The following ZNF713 variants were observed in gnomAD, a reference collection of about 807,000 sequenced individuals.
ZNF713 encodes zinc finger protein 713.
ZNF713 carries 21 observed loss-of-function variants against 28.7 expected under a neutral mutation model. The ratio of observed to expected loss-of-function variants is 0.73; its 90% confidence interval spans 0.52 to 1.05. The LOEUF is 1.05. Among genes scored for constraint, ZNF713 ranks in the 50% least tolerant of loss-of-function variants. The pLI is 0.00. For missense variants in ZNF713, 458 were observed against 532.4 expected, an observed-to-expected ratio of 0.86 and a Z score of 1.37; for synonymous variants, 167 against 178.0, an observed-to-expected ratio of 0.94 and a Z score of 0.49.
Position 55,887,886 on chromosome 7 carries a change from C to G in ZNF713, c.-583+206C>G, listed in dbSNP as rs1473294782. Reference sequence around the variant, plus strand: ...CGGGCGGCGGCGGCGGCGGCGGCGGCGGGCGGCGGCGGCGGCGGGAGGCGG... The same window carrying G: ...CGGGCGGCGGCGGCGGCGGCGGCGGGGGGCGGCGGCGGCGGCGGGAGGCGG... On this transcript the variant is annotated intron_variant, in intron 1 of 6. Coordinates refer to ENST00000429591, the MANE Select transcript of ZNF713 (RefSeq NM_182633.3). Among the ~76,000 whole-genome samples the G allele has an allele frequency of 1.2e-4, 9 of 74,724 alleles. 2 individuals are homozygous for G. The highest frequency in any genetic ancestry group is 5.5e-4 in the South Asian group (1 of 1,826). 49.0% of individuals were successfully genotyped at this position (74,724 alleles called of 152,430 possible). A position where few individuals can be genotyped will look rare whatever the true frequency, so the allele number is the denominator to read the frequency against.
At chr7:55,913,639 A>G (rs1159044983) in intron 4 of ZNF713, among the ~76,000 whole-genome samples, 3 of 152,196 alleles carry the variant, frequency 2.0e-5, no homozygotes, top group Admixed American at 6.6e-5. Flanking sequence ...AAAAATTGCT[A>G]TCAAATTAGG....
intron 1 of ZNF713, among the ~76,000 whole-genome samples, chr7:55,897,950 T>C (rs540814225): frequency 6.6e-6 from 1 of 152,294 alleles, no homozygotes; most frequent in African/African-American, 2.4e-5. Context: ...TGACTCCAAG[T>C]TCCTACATAG....
chr7:55,899,558 A>G (rs1041024474), intron 1 of ZNF713, among the ~76,000 whole-genome samples: 2 of 151,480 alleles, frequency 1.3e-5, no homozygotes, highest in African/African-American at 2.4e-5. Context: ...CTGTAATCCC[A>G]GCTACTCAGG....
At chr7:55,904,463 T>TAAAAAAA in intron 1 of ZNF713, among the ~76,000 whole-genome samples, 1 of 41,274 alleles carries the variant, frequency 2.4e-5, no homozygotes, top group Non-Finnish European at 4.8e-5. Context: ...ACTGTATCTT[T>TAAAAAAA]AAAAAAAAAA....
intron 1 of ZNF713, among the ~76,000 whole-genome samples, chr7:55,899,695 C>A (rs1305022936): frequency 6.6e-6 from 1 of 151,464 alleles, no homozygotes; most frequent in East Asian, 2.0e-4. Flanking sequence ...ATAAAAAAAT[C>A]GAACTACCAT....
At chr7:55,892,630 T>C (rs1785407704) in intron 1 of ZNF713, among the ~76,000 whole-genome samples, 2 of 149,766 alleles carry the variant, frequency 1.3e-5, no homozygotes, top group Admixed American at 1.3e-4. Flanking sequence ...CCCAGCACTT[T>C]AGGAGACCAA....
intron 2 of ZNF713, among the ~76,000 whole-genome samples, chr7:55,906,746 C>T (rs1391411805): frequency 6.6e-6 from 1 of 152,134 alleles, no homozygotes; most frequent in Non-Finnish European, 1.5e-5. Flanking sequence ...TTGTGTATGA[C>T]ACTTATGGGG....
chr7:55,909,496 G>C (rs1025191017), intron 2 of ZNF713, among the ~76,000 whole-genome samples: 9 of 152,052 alleles, frequency 5.9e-5, no homozygotes, highest in Admixed American at 5.2e-4. Context: ...TGTTCTTTTT[G>C]CTTAGGATTG....
Position 55,918,064 on chromosome 7 carries a change from C to T in ZNF713, c.88-5098C>T, listed in dbSNP as rs1396086920. ...TAGATGTGGAGATCTGTGTGCTCTC[C>T]ATTGGATCTCGGCAAGGCTGTGACT... On this transcript the variant is annotated intron_variant, in intron 4 of 6. Transcript: ENST00000429591. The T allele has an allele frequency of 6.6e-6, 3 of 456,542 alleles. No homozygotes were observed. The East Asian group carries it at 2.1e-4, about 32-fold the overall frequency. The allele number at this position is 456,542 out of a possible 1,614,324, so 28.3% of individuals were successfully genotyped here. A position where few individuals can be genotyped will look rare whatever the true frequency, so the allele number is the denominator to read the frequency against.
chr7:55,939,913 TAATC>T lies in ZNF713; in HGVS notation c.1242_1245del (p.Gln415ThrfsTer66), dbSNP rs775840448. The T allele has an allele frequency of 5.6e-6, 9 of 1,613,836 alleles. No individual in the cohort carries two copies. The highest frequency in any genetic ancestry group is 7.6e-6 in the Non-Finnish European group (9 of 1,179,956). On this transcript the variant is annotated frameshift_variant, in exon 7 of 7. Transcript: ENST00000429591. LOFTEE classifies it low-confidence loss of function (END_TRUNC). Reference sequence around the variant, plus strand: ...AAGCCTTTAGCCAGAGTGCACACCTTAATCAACACAGGAAAATCCATACTCGGGA... The same window carrying T: ...AAGCCTTTAGCCAGAGTGCACACCTTAACACAGGAAAATCCATACTCGGGA...
At chr7:55,910,402 C>CATTCGAT (rs1785764876) in intron 2 of ZNF713, among the ~76,000 whole-genome samples, 1 of 152,126 alleles carries the variant, frequency 6.6e-6, no homozygotes, top group South Asian at 2.1e-4. Flanking sequence ...AACTTTTCCC[C>CATTCGAT]ATTCGATATG....
At chr7:55,911,492 C>A (rs1231819332) in intron 2 of ZNF713, 124 bp from the exon 3 acceptor site, 1 of 151,908 alleles carries the variant, frequency 6.6e-6, no homozygotes, top group Non-Finnish European at 1.5e-5. Flanking sequence ...TTCAAGAATG[C>A]CACACCTTAC....
At chr7:55,900,622 A>C (rs188786842) in intron 1 of ZNF713, among the ~76,000 whole-genome samples, 1 of 152,192 alleles carries the variant, frequency 6.6e-6, no homozygotes, top group African/African-American at 2.4e-5. Flanking sequence ...CTATGATCTC[A>C]CTTAAAACGT....
chr7:55,928,851 G>A (rs912731083), intron 6 of ZNF713, among the ~76,000 whole-genome samples: 7 of 151,998 alleles, frequency 4.6e-5, no homozygotes, highest in African/African-American at 1.7e-4. Context: ...GTGCCTGCAG[G>A]CCGGGTGCCA....
chr7:55,932,910 A>AAAAAAAAAAAAG (rs1786268638), intron 6 of ZNF713, among the ~76,000 whole-genome samples: 5 of 140,330 alleles, frequency 3.6e-5, no homozygotes, highest in Non-Finnish European at 7.5e-5. Context: ...AAAAAAAAAA[A>AAAAAAAAAAAAG]GAAGCTACAA....
rs1039962804 is a variant in ZNF713 at position 55,940,438 on chromosome 7, C to T, written c.*432C>T. The T allele has an allele frequency of 6.1e-5, 60 of 986,850 alleles. No individual in the cohort carries two copies. The African/African-American group carries it at 9.1e-4, about 15-fold the overall frequency. 61.1% of individuals were successfully genotyped at this position (986,850 alleles called of 1,614,324 possible). On this transcript the variant is annotated 3_prime_UTR_variant, in exon 7 of 7. Transcript: ENST00000429591. ...TGCGCCTGGCCATAAACTTTCAATG[C>T]GTAGAAACCAAATTAATTTAGACCT...
chr7:55,930,004 G>A (rs1786179560), intron 6 of ZNF713, among the ~76,000 whole-genome samples: 1 of 151,974 alleles, frequency 6.6e-6, no homozygotes, highest in African/African-American at 2.4e-5. Context: ...GATCATCCAT[G>A]AATATTATAA....
chr7:55,909,127 A>G (rs1434432991), intron 2 of ZNF713, among the ~76,000 whole-genome samples: 3 of 142,856 alleles, frequency 2.1e-5, no homozygotes, highest in Admixed American at 7.4e-5. Flanking sequence ...TGAACCAGGG[A>G]GTCGGAGGTT....
Position 55,939,804 on chromosome 7 carries a change from A to G in ZNF713, c.1130A>G (p.Lys377Arg), listed in dbSNP as rs1458789541. The change falls in exon 7 of 7, where the codon AAA (lysine) becomes AGA (arginine). Residue 377 changes from lysine (K) to arginine (R), a missense_variant. Coordinates refer to ENST00000429591, the MANE Select transcript of ZNF713 (RefSeq NM_182633.3). ...EKPYECGFCG[K>R]AFSQRTHLNQ... ...CCTTACGAATGTGGTTTCTGTGGCA[A>G]AGCCTTCAGTCAGAGGACACATCTG... 6.2e-7 allele frequency: 1 copy of G among 1,614,184 alleles called. No homozygotes were observed. The highest frequency in any genetic ancestry group is 8.5e-7 in the Non-Finnish European group (1 of 1,180,026).
Sources: gnomAD v4.1 joint callset for allele counts (sites outside exome capture counted in the v4.1 genomes callset) on GRCh38, gnomAD v4.1.1 for gene constraint, MANE v1.5 for transcripts, NCBI Gene and HGNC (gene_info 2026-07-23, HGNC 2026-07-21) for gene names.